ABHD6: variants seen among roughly 807,000 people sequenced by gnomAD.
ABHD6 encodes monoacylglycerol lipase ABHD6.
In ABHD6, 33 loss-of-function variants were observed where a neutral mutation model predicts 38.8. The observed-to-expected ratio is 0.85, with a 90% CI of 0.64 to 1.14. The LOEUF is 1.14. ABHD6 is among the 50% of genes most tolerant of loss of function. The pLI is 0.00. For missense variants in ABHD6, 380 were observed against 422.6 expected, an observed-to-expected ratio of 0.90 and a Z score of 0.88; for synonymous variants, 147 against 161.6, an observed-to-expected ratio of 0.91 and a Z score of 0.69.
At chr3:58,274,145 T>C (rs1248808863) in intron 6 of ABHD6, among the ~76,000 whole-genome samples, 1 of 152,138 alleles carries the variant, frequency 6.6e-6, no homozygotes, top group East Asian at 1.9e-4. Context: ...TCCCCCTGTG[T>C]TTTATCATTG....
intron 6 of ABHD6, among the ~76,000 whole-genome samples, chr3:58,272,751 A>G (rs565848123): frequency 8.9e-4 from 136 of 152,322 alleles, no homozygotes; most frequent in African/African-American, 3.1e-3. Flanking sequence ...GAAATTTAAA[A>G]TTAAGTTTGT....
intron 2 of ABHD6, among the ~76,000 whole-genome samples, chr3:58,255,469 T>C (rs2097432610): frequency 6.6e-6 from 1 of 150,850 alleles, no homozygotes; most frequent in Admixed American, 6.6e-5. Context: ...TGTCTTTTTT[T>C]TTTTTTTTTT....
rs2097446405 is a variant in ABHD6, at chr3:58,273,385, C to A, written c.524-1273C>A. ...GACCAGCCTAAGGGAGACCCCATCTCTGCAAAAATATAAAATTAAAAAAAA... is the reference window on the plus strand; with the variant it reads ...GACCAGCCTAAGGGAGACCCCATCTATGCAAAAATATAAAATTAAAAAAAA... On this transcript the variant is annotated intron_variant, in intron 6 of 9. Coordinates refer to ENST00000478253, the MANE Select transcript of ABHD6 (RefSeq NM_001320126.2). This position sits in a 1 kb window ranked among gnomAD's most constrained non-coding sequence, Gnocchi z 4.8. 6.6e-6 allele frequency among the ~76,000 whole-genome samples: 1 copy of A among 151,962 alleles called. No homozygotes were observed. Among genetic ancestry groups the A allele is most frequent in the African/African-American group, 2.4e-5 (1 of 41,374 alleles).
rs1191180011 is a variant in ABHD6, at chr3:58,266,873, G to A, written c.120-316G>A. Among the ~76,000 whole-genome samples the A allele has an allele frequency of 6.6e-6, 1 of 152,208 alleles. No homozygotes were observed. Among genetic ancestry groups the A allele is most frequent in the Non-Finnish European group, 1.5e-5 (1 of 68,042 alleles). Reference sequence around the variant, plus strand: ...CAAGAAATAAGTTATCACTCTCAAAGTCTCTAGAAAGACATATTATCAAAA... The same window carrying A: ...CAAGAAATAAGTTATCACTCTCAAAATCTCTAGAAAGACATATTATCAAAA... On this transcript the variant is annotated intron_variant, in intron 3 of 9. Coordinates refer to ENST00000478253, the MANE Select transcript of ABHD6 (RefSeq NM_001320126.2). The surrounding 1 kb of genome is among the most constrained non-coding windows in gnomAD (Gnocchi z 4.0).
intron 1 of ABHD6, among the ~76,000 whole-genome samples, chr3:58,247,317 T>C (rs1322218895): frequency 1.3e-5 from 2 of 152,092 alleles, no homozygotes; most frequent in Non-Finnish European, 2.9e-5. Flanking sequence ...TGAACTAGTG[T>C]AGAGTCCGGG....
rs188249935 is a variant in ABHD6, at chr3:58,279,442, G to A, written c.681+4627G>A. Among the ~76,000 whole-genome samples the A allele has an allele frequency of 1.7e-3, 258 of 151,500 alleles. 1 individual carries two copies. The highest frequency in any genetic ancestry group is 5.9e-3 in the African/African-American group (245 of 41,318). On this transcript the variant is annotated intron_variant, in intron 7 of 9. Coordinates refer to ENST00000478253, the MANE Select transcript of ABHD6 (RefSeq NM_001320126.2). The stretch of plus-strand genomic sequence containing the variant: ...CAACCCTGCTTTTTTTTTGCTTTCC[G>A]TTTGCTTAGTAGATCTTCCCCCATC...
rs1482036915 is a variant in ABHD6 at position 58,269,399 on chromosome 3, C to G, written c.355C>G (p.Leu119Val). The change falls in exon 5 of 10, where the codon CTG (leucine) becomes GTG (valine). Residue 119 changes from leucine to valine, a missense_variant. By Grantham distance (32) the Leu-to-Val change is conservative. Transcript: ENST00000478253. This position sits in a 1 kb window ranked among gnomAD's most constrained non-coding sequence, Gnocchi z 4.4. ...EGTTRSSLDD[L>V]SIDGQVKRIH... Reference sequence around the variant, plus strand: ...CACCACCCGCTCCTCCCTGGATGACCTGTCCATAGATGGGCAAGTTAAGAG... The same window carrying G: ...CACCACCCGCTCCTCCCTGGATGACGTGTCCATAGATGGGCAAGTTAAGAG... The G allele has an allele frequency of 3.1e-6, 5 of 1,613,798 alleles. No homozygotes were observed. Among genetic ancestry groups the G allele is most frequent in the Non-Finnish European group, 4.2e-6 (5 of 1,179,882 alleles).
intron 1 of ABHD6, among the ~76,000 whole-genome samples, chr3:58,245,650 A>G (rs1460499308): frequency 6.6e-6 from 1 of 152,094 alleles, no homozygotes; most frequent in African/African-American, 2.4e-5. Context: ...ATGATGGTGC[A>G]CACCTGTAGT....
chr3:58,268,013 C>A (rs1405917013), intron 4 of ABHD6, among the ~76,000 whole-genome samples: 24 of 152,196 alleles, frequency 1.6e-4, no homozygotes, highest in Non-Finnish European at 1.5e-5. Context: ...GTCAAGGCTG[C>A]AGTGAACCAA....
At chr3:58,271,086 TC>T (rs1396958905) in intron 6 of ABHD6, 22 bp downstream of exon 6, 5 of 1,576,136 alleles carry the variant, frequency 3.2e-6, no homozygotes. Context: ...AGCTGAAACA[TC>T]CCTCGGCAGG....
chr3:58,283,400 T>A (rs2097454697), intron 7 of ABHD6, among the ~76,000 whole-genome samples: 1 of 152,216 alleles, frequency 6.6e-6, no homozygotes, highest in African/African-American at 2.4e-5. Flanking sequence ...GCCCACCATG[T>A]CATATTGTGT....
intron 5 of ABHD6, among the ~76,000 whole-genome samples, chr3:58,270,503 C>CAAAA (rs768619665): frequency 9.9e-5 from 6 of 60,584 alleles, no homozygotes; most frequent in East Asian, 5.7e-4. Context: ...CTCATCTCTA[C>CAAAA]AAAAAAAAAA....
At chr3:58,278,289 A>C (rs1014065585) in intron 7 of ABHD6, among the ~76,000 whole-genome samples, 2 of 152,254 alleles carry the variant, frequency 1.3e-5, no homozygotes, top group East Asian at 1.9e-4. Flanking sequence ...GCCTGTTATT[A>C]GTCTATTCAG....
chr3:58,239,440 A>T lies in ABHD6; in HGVS notation c.-91+1524A>T, dbSNP rs6800889. Among the ~76,000 whole-genome samples, 752 of 152,168 alleles carry T rather than the reference A, an allele frequency of 4.9e-3. 6 individuals are homozygous for T. Among genetic ancestry groups the T allele is most frequent in the African/African-American group, 0.018 (730 of 41,498 alleles). ...ATTACTGGAAAAAAATAATTAATAA[A>T]TGGCTCACACTGACTCTACAGAAAT... On this transcript the variant is annotated intron_variant, in intron 1 of 9. Coordinates refer to ENST00000478253, the MANE Select transcript of ABHD6 (RefSeq NM_001320126.2).
rs2097433867 is a variant in ABHD6 at position 58,257,048 on chromosome 3, G to A, written c.119+343G>A. Among the ~76,000 whole-genome samples, 1 of 151,948 alleles carries A rather than the reference G, an allele frequency of 6.6e-6. No homozygotes were observed. The highest frequency in any genetic ancestry group is 1.5e-5 in the Non-Finnish European group (1 of 68,006). ...CCTCCAAGTAGCTGAGATTTTACAG[G>A]TGTATGCCACCACGCCCGGCTAATT... is the stretch of plus-strand genomic sequence containing the variant. On this transcript the variant is annotated intron_variant, in intron 3 of 9. Transcript: ENST00000478253. This position sits in a 1 kb window ranked among gnomAD's most constrained non-coding sequence, Gnocchi z 4.8.
At position 58,293,481 on chromosome 3, in the gene ABHD6, C is replaced by G; in HGVS notation, c.838-108C>G. 1 of 1,209,796 alleles carries G rather than the reference C, an allele frequency of 8.3e-7. No individual in the cohort carries two copies. The highest frequency in any genetic ancestry group is 1.1e-6 in the Non-Finnish European group (1 of 871,218). The allele number at this position is 1,209,796 out of a possible 1,614,324, so 74.9% of individuals were successfully genotyped here. A position where few individuals can be genotyped will look rare whatever the true frequency, so the allele number is the denominator to read the frequency against. The stretch of plus-strand genomic sequence containing the variant: ...GACTTGGTCCTAAAATTCACATCCT[C>G]CTGCCCCACTGACCCCTGCCAGGCC... On this transcript the variant is annotated intron_variant, in intron 9 of 9. Transcript: ENST00000478253. This position sits in a 1 kb window ranked among gnomAD's most constrained non-coding sequence, Gnocchi z 4.4.
chr3:58,244,609 G>A (rs2097425020), intron 1 of ABHD6, among the ~76,000 whole-genome samples: 1 of 151,982 alleles, frequency 6.6e-6, no homozygotes, highest in African/African-American at 2.4e-5. Context: ...TGCAAAAAAT[G>A]AAAAATTAGC....
rs923394708 is a variant in ABHD6 at position 58,242,736 on chromosome 3, T to C, written c.-91+4820T>C. Among the ~76,000 whole-genome samples the C allele has an allele frequency of 5.9e-5, 9 of 152,216 alleles. 1 individual carries two copies. ...GTTCTTTTTATTGTTATTATTATTATTATACTTTAAGTTCTAGGGTACATG... is the reference window on the plus strand; with the variant it reads ...GTTCTTTTTATTGTTATTATTATTACTATACTTTAAGTTCTAGGGTACATG... On this transcript the variant is annotated intron_variant, in intron 1 of 9. Coordinates refer to ENST00000478253, the MANE Select transcript of ABHD6 (RefSeq NM_001320126.2).
chr3:58,241,981 G>C (rs1310546776), intron 1 of ABHD6, among the ~76,000 whole-genome samples: 1 of 152,196 alleles, frequency 6.6e-6, no homozygotes, highest in African/African-American at 2.4e-5. Flanking sequence ...GCAGAGATTT[G>C]AACCCAGGTT....
Sources: gnomAD v4.1 joint callset for allele counts (sites outside exome capture counted in the v4.1 genomes callset) on GRCh38, gnomAD v4.1.1 for gene constraint, Gnocchi (gnomAD v3.1) non-coding constraint, MANE v1.5 for transcripts, NCBI Gene and HGNC (gene_info 2026-07-23, HGNC 2026-07-21) for gene names.